The following CSMD3 variants were observed in gnomAD, a reference collection of about 807,000 sequenced individuals.
CSMD3 encodes CUB and sushi domain-containing protein 3.
A neutral mutation model predicts 435.2 loss-of-function variants in CSMD3; 177 were observed. That is an observed-to-expected ratio of 0.41 (90% CI 0.36 to 0.46). CSMD3 has a LOEUF of 0.46. CSMD3 is among the 20% of genes least tolerant of loss of function. The probability of loss-of-function intolerance (pLI) is 0.34; values close to 1 mark genes in which losing one functional copy is unlikely to be tolerated. For missense variants in CSMD3, 4,265 were observed against 4,504.6 expected (o/e 0.95, Z 1.52); for synonymous variants, 1,656 against 1,520.5 (o/e 1.09, Z -2.07).
intron 2 of CSMD3, among the ~76,000 whole-genome samples, chr8:113,307,702 A>T (rs529652459): frequency 1.1e-4 from 16 of 152,238 alleles, no homozygotes; most frequent in African/African-American, 3.6e-4. Context: ...CAACCCAATT[A>T]AAAAAATAGA....
intron 4 of CSMD3, among the ~76,000 whole-genome samples, chr8:113,156,767 A>G (rs1421948981): frequency 2.0e-5 from 3 of 149,376 alleles, no homozygotes; most frequent in Admixed American, 2.0e-4. Flanking sequence ...TAAATAAATA[A>G]ATAAATAAAT....
intron 22 of CSMD3, among the ~76,000 whole-genome samples, chr8:112,592,724 C>A (rs936470619): frequency 6.6e-6 from 1 of 152,014 alleles, no homozygotes; most frequent in Non-Finnish European, 1.5e-5. Context: ...TTTCCATGAA[C>A]AGCTACTGAA....
chr8:113,298,225 T>TC lies in CSMD3; in HGVS notation c.401+16345dup, dbSNP rs555305717. On this transcript the variant is annotated intron_variant, in intron 2 of 70. Coordinates refer to ENST00000297405, the MANE Select transcript of CSMD3 (RefSeq NM_198123.2). Reference sequence around the variant, plus strand: ...AATGAAGATTTTATGTGAAAAATTTTCCCCCATGATTTTTATTTATTCTGG... The same window carrying TC: ...AATGAAGATTTTATGTGAAAAATTTTCCCCCCATGATTTTTATTTATTCTGG... 4.9e-3 allele frequency among the ~76,000 whole-genome samples: 743 copies of TC among 152,254 alleles called. 2 individuals are homozygous for TC. The highest frequency in any genetic ancestry group is 0.016 in the African/African-American group (661 of 41,572).
intron 1 of CSMD3, chr8:113,376,755 T>C (rs371993077): frequency 5.0e-6 from 8 of 1,613,894 alleles, no homozygotes; most frequent in Non-Finnish European, 5.9e-6. Flanking sequence ...TGTCTGTCGG[T>C]CAAGCTGTAC....
intron 6 of CSMD3, among the ~76,000 whole-genome samples, chr8:112,977,176 T>C (rs1445233987): frequency 6.6e-6 from 1 of 151,990 alleles, no homozygotes. Context: ...TGGGGGTATA[T>C]TTAAAAGGAT....
At chr8:112,649,885 G>A (rs1380473280) in intron 19 of CSMD3, among the ~76,000 whole-genome samples, 1 of 152,100 alleles carries the variant, frequency 6.6e-6, no homozygotes, top group Non-Finnish European at 1.5e-5. Context: ...AAGGTCCACA[G>A]CATGTTCTTA....
At chr8:113,326,411 GT>G (rs1051281157) in intron 1 of CSMD3, among the ~76,000 whole-genome samples, 150 of 149,248 alleles carry the variant, frequency 1.0e-3, no homozygotes, top group African/African-American at 2.9e-3. Flanking sequence ...TAATAACATA[GT>G]TTTTTTTTTA....
At chr8:112,565,626 A>AT (rs1234231087) in intron 24 of CSMD3, among the ~76,000 whole-genome samples, 16 of 152,216 alleles carry the variant, frequency 1.1e-4, no homozygotes, top group Admixed American at 5.9e-4. Flanking sequence ...CTCCAGTGGG[A>AT]TTTTTTGTAA....
chr8:112,524,552 A>T (rs1011016385), intron 27 of CSMD3, among the ~76,000 whole-genome samples: 3 of 152,060 alleles, frequency 2.0e-5, no homozygotes, highest in African/African-American at 7.2e-5. Context: ...CCTTCAAGGA[A>T]CACAGGCTAA....
At chr8:112,272,524 G>A (rs537039621) in intron 59 of CSMD3, among the ~76,000 whole-genome samples, 124 of 152,188 alleles carry the variant, frequency 8.1e-4, no homozygotes, top group South Asian at 5.0e-3. Context: ...AGTGGGTATA[G>A]AGAATAACAT....
intron 3 of CSMD3, among the ~76,000 whole-genome samples, chr8:113,252,514 C>A (rs2093343774): frequency 6.6e-6 from 1 of 151,894 alleles, no homozygotes; most frequent in Non-Finnish European, 1.5e-5. Context: ...AGATATCTTT[C>A]TTTCTGATAC....
intron 3 of CSMD3, among the ~76,000 whole-genome samples, chr8:113,184,277 T>C (rs1483377906): frequency 6.6e-6 from 1 of 151,962 alleles, no homozygotes; most frequent in Non-Finnish European, 1.5e-5. Flanking sequence ...TCATGCCCCA[T>C]TCTTTTGAGG....
chr8:113,022,625 C>T (rs891643099), intron 5 of CSMD3, among the ~76,000 whole-genome samples: 2 of 151,554 alleles, frequency 1.3e-5, no homozygotes, highest in African/African-American at 4.8e-5. Flanking sequence ...TCTCCATACT[C>T]AGGATTATAT....
At chr8:113,251,187 T>C (rs78295811) in intron 3 of CSMD3, among the ~76,000 whole-genome samples, 1,533 of 152,192 alleles carry the variant, frequency 0.01, 22 homozygotes, top group African/African-American at 0.035. Context: ...GGATAATTCA[T>C]CATTTTTTAA....
intron 4 of CSMD3, among the ~76,000 whole-genome samples, chr8:113,149,105 T>A (rs2091746304): frequency 6.6e-6 from 1 of 151,798 alleles, no homozygotes; most frequent in Non-Finnish European, 1.5e-5. Context: ...ATATTTCAGT[T>A]TAATTGAATG....
intron 1 of CSMD3, among the ~76,000 whole-genome samples, chr8:113,417,149 C>T (rs555922295): frequency 3.9e-5 from 6 of 152,028 alleles, no homozygotes; most frequent in East Asian, 3.9e-4. Context: ...TAAAGCATGT[C>T]GCACTATAAC....
intron 8 of CSMD3, among the ~76,000 whole-genome samples, chr8:112,950,397 A>G (rs2083766200): frequency 6.6e-6 from 1 of 151,980 alleles, no homozygotes; most frequent in African/African-American, 2.4e-5. Context: ...ACTTTTTTGT[A>G]TTATGACATA....
chr8:112,715,889 C>T (rs1212663088), intron 13 of CSMD3, among the ~76,000 whole-genome samples: 1 of 151,780 alleles, frequency 6.6e-6, no homozygotes, highest in Non-Finnish European at 1.5e-5. Context: ...AATTGTTAAA[C>T]GTTTTTGATA....
At position 112,245,758 on chromosome 8, in the gene CSMD3, G is replaced by A. The variant is rs375682309; in HGVS notation, c.10223-1185C>T. Among the ~76,000 whole-genome samples the A allele has an allele frequency of 1.8e-3, 278 of 152,192 alleles. 1 individual carries two copies. The highest frequency in any genetic ancestry group is 6.5e-3 in the African/African-American group (268 of 41,518). ...TCGCCATGGTGACCAGGCTGGTCTC[G>A]AACTCCTGACCTCAAGTGATCTGCC... On this transcript the variant is annotated intron_variant, in intron 64 of 70. Coordinates refer to ENST00000297405, the MANE Select transcript of CSMD3 (RefSeq NM_198123.2).
Sources: allele counts gnomAD v4.1 joint callset (sites outside exome capture counted in the v4.1 genomes callset), GRCh38; gene constraint gnomAD v4.1.1; transcripts MANE v1.5; gene names NCBI Gene and HGNC (gene_info 2026-07-23, HGNC 2026-07-21).